The following FAM184A variants were observed in gnomAD, a reference collection of about 807,000 sequenced individuals.
FAM184A encodes the protein family with sequence similarity 184 member A.
In FAM184A, 99 loss-of-function variants were observed where a neutral mutation model predicts 143.8. The observed-to-expected ratio is 0.69, with a 90% CI of 0.58 to 0.81. FAM184A has a LOEUF of 0.81. FAM184A is among the 40% of genes least tolerant of loss of function. The pLI, the probability that FAM184A is intolerant of heterozygous loss-of-function variation, is 0.00. For missense variants in FAM184A, 1,217 were observed against 1,310.5 expected (o/e 0.93, Z 1.10); for synonymous variants, 427 against 446.4 (o/e 0.96, Z 0.55).
At chr6:118,960,325 C>T (rs566007301) in intron 17 of FAM184A, 141 bp from the exon 18 acceptor site, 5 of 631,362 alleles carry the variant, frequency 7.9e-6, no homozygotes, top group South Asian at 5.8e-5. Flanking sequence ...TTGCTACCCC[C>T]TCTATACTAG....
intron 1 of FAM184A, among the ~76,000 whole-genome samples, chr6:119,035,319 T>G (rs1452163615): frequency 6.6e-6 from 1 of 152,052 alleles, no homozygotes; most frequent in Admixed American, 6.6e-5. Context: ...TATACCCTCC[T>G]CCCACTGGAA....
intron 1 of FAM184A, among the ~76,000 whole-genome samples, chr6:119,128,216 T>C (rs947876138): frequency 1.3e-5 from 2 of 152,192 alleles, no homozygotes; most frequent in Admixed American, 1.3e-4. Context: ...GAGACAAGAA[T>C]TGGTGGGAAG....
At chr6:118,991,780 T>G (rs368240362) in intron 9 of FAM184A, among the ~76,000 whole-genome samples, 2,986 of 85,636 alleles carry the variant, frequency 0.035, 96 homozygotes, top group African/African-American at 0.09. Flanking sequence ...TTTTTTTTTT[T>G]GAGACAGAGT....
intron 1 of FAM184A, among the ~76,000 whole-genome samples, chr6:119,089,186 C>CTCTA (rs1554195514): frequency 1.4e-5 from 2 of 142,394 alleles, no homozygotes; most frequent in Non-Finnish European, 3.0e-5. Flanking sequence ...ATCTCTCTCT[C>CTCTA]TTTATTTATT....
At chr6:118,998,676 G>A (rs6904686) in intron 9 of FAM184A, among the ~76,000 whole-genome samples, 4,370 of 151,942 alleles carry the variant, frequency 0.029, 211 homozygotes, top group African/African-American at 0.1. Context: ...GTTCCATGTG[G>A]AGGGACTGGT....
chr6:118,974,508 G>C lies in FAM184A; in HGVS notation c.2835C>G (p.Leu945=). The change falls in exon 14 of 18, where the codon CTC becomes CTG. Residue 945 remains leucine (L), a synonymous_variant. Coordinates refer to ENST00000338891, the MANE Select transcript of FAM184A (RefSeq NM_024581.6). ...CTGCCCGCATGATATTTTTCTCTCT[G>C]AGGTGGTCTGCTGTCATGACATCCA... ...KELDVMTADH[L]REKNIMRADF... is the part of the protein sequence containing the mutation. The C allele has an allele frequency of 2.5e-6, 4 of 1,612,424 alleles. No homozygotes were observed. Among genetic ancestry groups the C allele is most frequent in the Non-Finnish European group, 2.5e-6 (3 of 1,179,048 alleles).
intron 4 of FAM184A, among the ~76,000 whole-genome samples, chr6:119,019,773 T>C (rs11753454): frequency 0.29 from 43,685 of 152,208 alleles, 7,655 homozygotes; most frequent in Non-Finnish European, 0.4. Context: ...TTATATAGAT[T>C]GTTACCCACA....
intron 1 of FAM184A, among the ~76,000 whole-genome samples, chr6:119,027,072 T>G (rs567062569): frequency 6.6e-6 from 1 of 152,228 alleles, no homozygotes; most frequent in African/African-American, 2.4e-5. Flanking sequence ...CATTTCTTTA[T>G]GCTGAATTCA....
intron 15 of FAM184A, among the ~76,000 whole-genome samples, chr6:118,965,083 C>A (rs1783457303): frequency 6.6e-6 from 1 of 152,124 alleles, no homozygotes; most frequent in Non-Finnish European, 1.5e-5. Context: ...AACTTACATT[C>A]ATGGGGCTCT....
chr6:119,014,888 G>A (rs552903756), intron 5 of FAM184A, among the ~76,000 whole-genome samples: 1 of 152,092 alleles, frequency 6.6e-6, no homozygotes, highest in South Asian at 2.1e-4. Flanking sequence ...GTGAAACCCT[G>A]TCTGTACTAA....
chr6:119,053,202 G>A (rs929483489), intron 1 of FAM184A, among the ~76,000 whole-genome samples: 5 of 152,128 alleles, frequency 3.3e-5, no homozygotes, highest in Non-Finnish European at 7.3e-5. Context: ...GGGGAGAGGT[G>A]CCCTCTCTCA....
At chr6:118,979,860 T>C (rs144002276) in intron 10 of FAM184A, among the ~76,000 whole-genome samples, 1,591 of 149,868 alleles carry the variant, frequency 0.011, 14 homozygotes, top group Non-Finnish European at 0.017. Flanking sequence ...CTGGGCAACA[T>C]AGCGAGACCC....
Position 118,980,247 on chromosome 6 carries a change from T to C in FAM184A, c.2192A>G (p.Gln731Arg). 6.2e-7 allele frequency: 1 copy of C among 1,614,166 alleles called. No homozygotes were observed. Among genetic ancestry groups the C allele is most frequent in the African/African-American group, 1.3e-5 (1 of 75,048 alleles). ...QFTQERQRLT[Q>R]ELEELEEQHQ... ...TTGCTCCTCTAATTCTTCAAGCTCT[T>C]GCGTAAGCCGCTGTCGTTCTTGCGT... The change falls in exon 10 of 18, where the codon CAA (glutamine) becomes CGA (arginine). Residue 731 changes from glutamine (Q) to arginine (R), a missense_variant. Transcript: ENST00000338891.
intron 1 of FAM184A, among the ~76,000 whole-genome samples, chr6:119,028,693 G>A (rs559708073): frequency 1.3e-5 from 2 of 152,258 alleles, no homozygotes; most frequent in South Asian, 4.1e-4. Flanking sequence ...CCCTATAAAT[G>A]GGGGTAAACA....
chr6:118,960,077 T>C lies in FAM184A; in HGVS notation c.*26A>G. The C allele has an allele frequency of 1.3e-6, 2 of 1,579,280 alleles. No homozygotes were observed. The highest frequency in any genetic ancestry group is 1.7e-6 in the Non-Finnish European group (2 of 1,149,120). ...AAGTCATGCTCTTAGTAACAGTCTATACAGAGCTGTGCCAACACAATTCTT... is the reference window on the plus strand; with the variant it reads ...AAGTCATGCTCTTAGTAACAGTCTACACAGAGCTGTGCCAACACAATTCTT... On this transcript the variant is annotated 3_prime_UTR_variant, in exon 18 of 18. Transcript: ENST00000338891.
intron 1 of FAM184A, among the ~76,000 whole-genome samples, chr6:119,036,521 T>C (rs1786120583): frequency 6.6e-6 from 1 of 151,964 alleles, no homozygotes. Context: ...ATGTTGGAGG[T>C]ATCTTTGTGT....
chr6:119,137,754 C>G (rs1772070714), intron 1 of FAM184A, among the ~76,000 whole-genome samples: 1 of 152,198 alleles, frequency 6.6e-6, no homozygotes, highest in Non-Finnish European at 1.5e-5. Flanking sequence ...CCTGTCTCTC[C>G]TCCTCCTGGA....
At chr6:119,072,855 A>G (rs1335341470) in intron 1 of FAM184A, among the ~76,000 whole-genome samples, 2 of 152,030 alleles carry the variant, frequency 1.3e-5, no homozygotes, top group African/African-American at 4.8e-5. Context: ...AGCTGAAATG[A>G]TCTATCATTA....
intron 9 of FAM184A, among the ~76,000 whole-genome samples, chr6:118,980,608 T>G (rs1783991707): frequency 6.6e-6 from 1 of 152,168 alleles, no homozygotes; most frequent in Non-Finnish European, 1.5e-5. Flanking sequence ...GCAGCCCACA[T>G]TTAGAATACA....
Sources: gnomAD v4.1 joint callset for allele counts (sites outside exome capture counted in the v4.1 genomes callset) on GRCh38, gnomAD v4.1.1 for gene constraint, MANE v1.5 for transcripts, NCBI Gene and HGNC (gene_info 2026-07-23, HGNC 2026-07-21) for gene names.